DOCK9: variants seen among roughly 807,000 people sequenced by gnomAD.
DOCK9 encodes the protein dedicator of cytokinesis 9.
DOCK9 carries 89 observed loss-of-function variants against 263.3 expected under a neutral mutation model. The observed-to-expected ratio is 0.34, with a 90% confidence interval of 0.28 to 0.40. The LOEUF (loss-of-function observed/expected upper bound fraction) is 0.40, where lower values mean the gene tolerates loss of function less well. Ranked by LOEUF, DOCK9 falls within the 10% of genes least tolerant of loss-of-function variation. The probability of loss-of-function intolerance (pLI) is 1.00; values close to 1 mark genes in which losing one functional copy is unlikely to be tolerated. For missense variants in DOCK9, 2,140 were observed against 2,603.4 expected, an observed-to-expected ratio of 0.82 and a Z score of 3.87; for synonymous variants, 976 against 973.1, an observed-to-expected ratio of 1.00 and a Z score of -0.06.
intron 45 of DOCK9, among the ~76,000 whole-genome samples, chr13:98,818,663 G>C (rs1360543141): frequency 6.6e-6 from 1 of 151,310 alleles, no homozygotes; most frequent in Non-Finnish European, 1.5e-5. Flanking sequence ...TTTAAGTCTA[G>C]GCTAATATTT....
chr13:99,001,534 A>G (rs1882303027), intron 1 of DOCK9, among the ~76,000 whole-genome samples: 1 of 152,220 alleles, frequency 6.6e-6, no homozygotes, highest in African/African-American at 2.4e-5. Context: ...TTTTTCTGTG[A>G]GAAAATCAGA....
chr13:98,801,780 G>A (rs908798614), intron 49 of DOCK9, among the ~76,000 whole-genome samples: 2 of 152,180 alleles, frequency 1.3e-5, no homozygotes, highest in Non-Finnish European at 2.9e-5. Context: ...AATTGGGAAG[G>A]ACTCATCACA....
chr13:98,914,222 A>C (rs1368594315), intron 9 of DOCK9, 106 bp downstream of exon 9: 15 of 944,666 alleles, frequency 1.6e-5, no homozygotes, highest in Non-Finnish European at 2.2e-5. Context: ...AGGTAATCAC[A>C]ATGTAATTTT....
chr13:98,825,769 T>A lies in DOCK9; in HGVS notation c.5023+1061A>T. The A allele has an allele frequency of 5.7e-6, 4 of 703,588 alleles. No homozygotes were observed. Among genetic ancestry groups the A allele is most frequent in the South Asian group, 3.3e-5 (1 of 29,974 alleles). 43.6% of individuals were successfully genotyped at this position (703,588 alleles called of 1,614,324 possible). On this transcript the variant is annotated intron_variant, in intron 44 of 52. Transcript: ENST00000682017. This position sits in a 1 kb window ranked among gnomAD's most constrained non-coding sequence, Gnocchi z 4.1. ...GCCACAGAGTAGGAGGGAAGGAGAG[T>A]GAAGTCTGTCCATGCAAAGTTAAAA... is the stretch of plus-strand genomic sequence containing the variant.
chr13:98,838,322 A>G (rs2093084231), intron 38 of DOCK9, among the ~76,000 whole-genome samples: 1 of 152,168 alleles, frequency 6.6e-6, no homozygotes, highest in Non-Finnish European at 1.5e-5. Flanking sequence ...AAATTTGTTA[A>G]TATTTGTGAA....
intron 1 of DOCK9, among the ~76,000 whole-genome samples, chr13:98,991,449 G>A (rs1288302051): frequency 7.2e-5 from 11 of 152,110 alleles, no homozygotes; most frequent in East Asian, 1.9e-4. Flanking sequence ...CTAGCCACAC[G>A]GGGCTACTCG....
At position 98,903,094 on chromosome 13, in the gene DOCK9, C is replaced by A; in HGVS notation, c.1054G>T (p.Ala352Ser). ...TCAAATGACTTCACTTCTGGCTCAG[C>A]TGATGAGAAGTCAAGCTTCTTTAAA... ...PDAQKLDFSS[A>S]EPEVKSFEEK... The change falls in exon 11 of 53, where the codon GCT (alanine) becomes TCT (serine). Residue 352 changes from alanine to serine, a missense_variant. By Grantham distance (99) the Ala-to-Ser change is moderately conservative. Around this residue, in one of 2 missense-constraint regions of DOCK9, gnomAD observed 1,521 missense variants for 1,741.7 expected, o/e 0.87. Transcript: ENST00000682017. 1 of 1,514,322 alleles carries A rather than the reference C, an allele frequency of 6.6e-7. No individual in the cohort carries two copies. The highest frequency in any genetic ancestry group is 8.8e-7 in the Non-Finnish European group (1 of 1,135,426). 93.8% of individuals were successfully genotyped at this position (1,514,322 alleles called of 1,614,324 possible).
At chr13:98,921,998 C>G in intron 6 of DOCK9, 53 bp downstream of exon 6, 1 of 1,410,704 alleles carries the variant, frequency 7.1e-7, no homozygotes, top group Non-Finnish European at 9.8e-7. Context: ...TTCTCGAGCT[C>G]TATGGCAGAA....
chr13:98,942,285 C>T (rs1213885523), intron 2 of DOCK9, among the ~76,000 whole-genome samples: 4 of 145,668 alleles, frequency 2.7e-5, no homozygotes, highest in African/African-American at 1.0e-4. Flanking sequence ...TCCCCCTAGG[C>T]TGGAGTACAG....
At chr13:98,818,832 TGTG>T (rs1471696520) in intron 45 of DOCK9, among the ~76,000 whole-genome samples, 3 of 132,808 alleles carry the variant, frequency 2.3e-5, no homozygotes, top group African/African-American at 9.2e-5. Context: ...ACACTAACAT[TGTG>T]TGTGTGTGTG....
intron 1 of DOCK9, among the ~76,000 whole-genome samples, chr13:99,067,607 C>G (rs1215234142): frequency 6.6e-6 from 1 of 152,220 alleles, no homozygotes; most frequent in Non-Finnish European, 1.5e-5. Flanking sequence ...AAGGAATCAA[C>G]TCTGCAGCTT....
intron 2 of DOCK9, among the ~76,000 whole-genome samples, chr13:98,954,146 G>A (rs1478713090): frequency 6.6e-6 from 1 of 152,030 alleles, no homozygotes; most frequent in Non-Finnish European, 1.5e-5. Context: ...GGCGTGGGGA[G>A]GCTTTTCATG....
intron 48 of DOCK9, among the ~76,000 whole-genome samples, chr13:98,805,764 A>G (rs1423707771): frequency 2.6e-5 from 4 of 151,924 alleles, no homozygotes; most frequent in Admixed American, 6.6e-5. Flanking sequence ...ACATTGAATT[A>G]TTTTATTTTT....
intron 1 of DOCK9, among the ~76,000 whole-genome samples, chr13:99,065,963 A>G (rs1322882681): frequency 6.6e-6 from 1 of 152,242 alleles, no homozygotes; most frequent in Non-Finnish European, 1.5e-5. Flanking sequence ...TATGTGGGAA[A>G]CAGTTTTCAA....
At chr13:98,960,544 C>T (rs1255321859) in intron 1 of DOCK9, among the ~76,000 whole-genome samples, 1 of 152,194 alleles carries the variant, frequency 6.6e-6, no homozygotes, top group East Asian at 1.9e-4. Context: ...AGAGGGCGTA[C>T]TTTCAGTCCA....
At chr13:98,798,462 A>C (rs2089707218) in intron 50 of DOCK9, among the ~76,000 whole-genome samples, 1 of 152,194 alleles carries the variant, frequency 6.6e-6, no homozygotes, top group African/African-American at 2.4e-5. Flanking sequence ...GAACAGCCCA[A>C]GGTGCGTTGA....
intron 1 of DOCK9, among the ~76,000 whole-genome samples, chr13:98,965,691 A>G (rs1165317869): frequency 3.3e-5 from 5 of 152,192 alleles, no homozygotes; most frequent in Non-Finnish European, 1.5e-5. Flanking sequence ...AAAAAGGAAA[A>G]CTTACCTAAA....
chr13:98,978,772 G>A (rs1002579231), upstream of DOCK9, among the ~76,000 whole-genome samples: 1 of 152,158 alleles, frequency 6.6e-6, no homozygotes, highest in African/African-American at 2.4e-5. Flanking sequence ...AAGGCAAGAA[G>A]AGCAGACATC....
chr13:99,051,139 C>G (rs1478360978), intron 1 of DOCK9, among the ~76,000 whole-genome samples: 1 of 152,198 alleles, frequency 6.6e-6, no homozygotes, highest in Non-Finnish European at 1.5e-5. Flanking sequence ...CCACTGTCAC[C>G]TGAAGCAATG....
Sources: allele counts gnomAD v4.1 joint callset (sites outside exome capture counted in the v4.1 genomes callset), GRCh38; gene constraint gnomAD v4.1.1; regional missense constraint gnomAD v4.1.1; non-coding constraint Gnocchi (gnomAD v3.1); transcripts MANE v1.5; gene names NCBI Gene and HGNC (gene_info 2026-07-23, HGNC 2026-07-21).